TCF7L1: variants seen among roughly 807,000 people sequenced by gnomAD.
TCF7L1 encodes transcription factor 7 like 1.
Under a neutral mutation model 63.7 loss-of-function variants are expected in TCF7L1, and 18 were observed. The ratio of observed to expected loss-of-function variants is 0.28; its 90% CI spans 0.20 to 0.42. The LOEUF (loss-of-function observed/expected upper bound fraction) is 0.42, where lower values mean the gene tolerates loss of function less well. Among genes scored for constraint, TCF7L1 ranks in the 10% least tolerant of loss-of-function variants. TCF7L1 has a pLI of 1.00. For synonymous variants in TCF7L1, 355 were observed against 340.9 expected (o/e 1.04, Z -0.46); for missense variants, 654 against 779.3 (o/e 0.84, Z 1.91).
At chr2:85,261,411 ATG>A (rs771766854) in intron 3 of TCF7L1, among the ~76,000 whole-genome samples, 1 of 152,216 alleles carries the variant, frequency 6.6e-6, no homozygotes, top group South Asian at 2.1e-4. Flanking sequence ...GATTTGAAGC[ATG>A]TGTGTGCTCA....
At chr2:85,188,688 T>A (rs1415638018) in intron 3 of TCF7L1, among the ~76,000 whole-genome samples, 1 of 152,230 alleles carries the variant, frequency 6.6e-6, no homozygotes, top group Non-Finnish European at 1.5e-5. Context: ...TCCTTTATTA[T>A]GTGTTTGAAT....
At chr2:85,183,916 G>A (rs939926952) in intron 3 of TCF7L1, among the ~76,000 whole-genome samples, 2 of 152,180 alleles carry the variant, frequency 1.3e-5, no homozygotes, top group Admixed American at 1.3e-4. Context: ...ATGATAGCAA[G>A]GGTCTGGGAG....
At chr2:85,242,116 T>G (rs1680348085) in intron 3 of TCF7L1, among the ~76,000 whole-genome samples, 1 of 152,206 alleles carries the variant, frequency 6.6e-6, no homozygotes, top group South Asian at 2.1e-4. Flanking sequence ...GAACTTCTTC[T>G]ATTATCTGGA....
At chr2:85,279,398 A>T (rs1681359856) in intron 3 of TCF7L1, among the ~76,000 whole-genome samples, 1 of 142,352 alleles carries the variant, frequency 7.0e-6, no homozygotes, top group African/African-American at 2.5e-5. Context: ...CATCTCTAAA[A>T]ATAAAAAATA....
chr2:85,216,909 C>T (rs765970559), intron 3 of TCF7L1: 1 of 152,322 alleles, frequency 6.6e-6, no homozygotes, highest in Non-Finnish European at 1.5e-5. Flanking sequence ...CTGAGCCTTG[C>T]AGGAGACCGT....
At chr2:85,193,561 A>T (rs1385695515) in intron 3 of TCF7L1, among the ~76,000 whole-genome samples, 1 of 152,222 alleles carries the variant, frequency 6.6e-6, no homozygotes, top group African/African-American at 2.4e-5. Context: ...GGGCATTATC[A>T]GGACAGCTGG....
chr2:85,270,856 AT>A (rs923590063), intron 3 of TCF7L1, among the ~76,000 whole-genome samples: 1 of 151,658 alleles, frequency 6.6e-6, no homozygotes, highest in African/African-American at 2.4e-5. Context: ...CACCTGGCTA[AT>A]TTTTTTTGTA....
chr2:85,145,579 G>T (rs1677859232), intron 3 of TCF7L1, among the ~76,000 whole-genome samples: 1 of 152,176 alleles, frequency 6.6e-6, no homozygotes, highest in African/African-American at 2.4e-5. Context: ...GAGGTGGTTG[G>T]GTGTTAGTCC....
chr2:85,239,092 T>C (rs1307442590), intron 3 of TCF7L1, among the ~76,000 whole-genome samples: 1 of 152,062 alleles, frequency 6.6e-6, no homozygotes, highest in African/African-American at 2.4e-5. Context: ...GATATAAAAT[T>C]TAACGTAATT....
chr2:85,292,537 A>G (rs1681752117), intron 4 of TCF7L1, among the ~76,000 whole-genome samples: 1 of 152,156 alleles, frequency 6.6e-6, no homozygotes, highest in Non-Finnish European at 1.5e-5. Flanking sequence ...GTATTTCTCA[A>G]AAAATATTTT....
Position 85,272,997 on chromosome 2 carries a change from A to C in TCF7L1, c.442-10498A>C, listed in dbSNP as rs1040164221. On this transcript the variant is annotated intron_variant, in intron 3 of 11. Coordinates refer to ENST00000282111, the MANE Select transcript of TCF7L1 (RefSeq NM_031283.3). ...CAAAGACAGGAGAGTGTCTACAGAG[A>C]CAGTGGAGGGAGTGGAACAGAAGCC... is the stretch of plus-strand genomic sequence containing the variant. 9.2e-5 allele frequency among the ~76,000 whole-genome samples: 14 copies of C among 152,272 alleles called. No individual in the cohort carries two copies. The East Asian group carries it at 2.7e-3, about 29-fold the overall frequency.
chr2:85,189,576 G>A (rs928897738), intron 3 of TCF7L1, among the ~76,000 whole-genome samples: 6 of 152,250 alleles, frequency 3.9e-5, no homozygotes, highest in Admixed American at 1.3e-4. Context: ...TAGGGGTGCT[G>A]TACAGTTGGC....
chr2:85,300,742 T>C (rs1265575847), intron 4 of TCF7L1, among the ~76,000 whole-genome samples: 4 of 151,972 alleles, frequency 2.6e-5, no homozygotes, highest in Non-Finnish European at 1.5e-5. Flanking sequence ...TTTGGAGTTG[T>C]AGCCCTTGGG....
At chr2:85,230,102 C>T (rs1206020478) in intron 3 of TCF7L1, among the ~76,000 whole-genome samples, 2 of 152,200 alleles carry the variant, frequency 1.3e-5, no homozygotes. Flanking sequence ...ATATCGTTGT[C>T]TTCATACTGA....
chr2:85,292,426 C>T lies in TCF7L1; in HGVS notation c.525+8848C>T, dbSNP rs1681749055. Among the ~76,000 whole-genome samples the T allele has an allele frequency of 3.3e-5, 5 of 152,178 alleles. No homozygotes were observed. In the South Asian group the frequency reaches 1.0e-3, roughly 32 times the overall value. Reference sequence around the variant, plus strand: ...GGAGTGTTTAAGAGGATTTAACTTTCTGTGATGTTTTATTTAAGAAAAAAA... The same window carrying T: ...GGAGTGTTTAAGAGGATTTAACTTTTTGTGATGTTTTATTTAAGAAAAAAA... On this transcript the variant is annotated intron_variant, in intron 4 of 11. Coordinates refer to ENST00000282111, the MANE Select transcript of TCF7L1 (RefSeq NM_031283.3).
intron 3 of TCF7L1, among the ~76,000 whole-genome samples, chr2:85,281,172 C>T (rs754588952): frequency 2.0e-5 from 3 of 152,004 alleles, no homozygotes; most frequent in Admixed American, 6.6e-5. Flanking sequence ...TACAGGCACA[C>T]GCCACCATGC....
chr2:85,269,904 T>C (rs1681108783), intron 3 of TCF7L1, among the ~76,000 whole-genome samples: 2 of 152,218 alleles, frequency 1.3e-5, no homozygotes, highest in Non-Finnish European at 2.9e-5. Context: ...TGGCCCTGTA[T>C]AGAGGTGGCT....
intron 3 of TCF7L1, among the ~76,000 whole-genome samples, chr2:85,232,249 G>T (rs943029086): frequency 6.6e-6 from 1 of 152,168 alleles, no homozygotes. Flanking sequence ...TTGTTTTTGT[G>T]ATTGTTATTT....
chr2:85,295,142 GTA>G (rs1416511329), intron 4 of TCF7L1, among the ~76,000 whole-genome samples: 7 of 152,164 alleles, frequency 4.6e-5, no homozygotes. Context: ...TTGGTGCTCT[GTA>G]CTACCCTCAA....
Sources: allele counts gnomAD v4.1 joint callset (sites outside exome capture counted in the v4.1 genomes callset), GRCh38; gene constraint gnomAD v4.1.1; transcripts MANE v1.5; gene names NCBI Gene and HGNC (gene_info 2026-07-23, HGNC 2026-07-21).